Variants in KIF26B observed in about 807,000 individuals in gnomAD.
The protein encoded by KIF26B is kinesin-like protein KIF26B.
A neutral mutation model predicts 151.2 loss-of-function variants in KIF26B; 63 were observed. The observed-to-expected ratio is 0.42, with a 90% CI of 0.34 to 0.51. The LOEUF (loss-of-function observed/expected upper bound fraction) is 0.51, where lower values mean the gene tolerates loss of function less well. Among genes scored for constraint, KIF26B ranks in the 20% least tolerant of loss-of-function variants. KIF26B has a pLI of 0.07. For missense variants in KIF26B, 2,813 were observed against 2,913.6 expected (o/e 0.97, Z 0.79); for synonymous variants, 1,357 against 1,262.1 (o/e 1.08, Z -1.59).
intron 2 of KIF26B, among the ~76,000 whole-genome samples, chr1:245,334,819 G>A (rs1456353848): frequency 6.6e-6 from 1 of 152,154 alleles, no homozygotes; most frequent in Non-Finnish European, 1.5e-5. Context: ...TGTCATGTCA[G>A]CCTCCTACTA....
chr1:245,592,158 G>A (rs924284534), intron 5 of KIF26B, among the ~76,000 whole-genome samples: 4 of 152,148 alleles, frequency 2.6e-5, no homozygotes, highest in African/African-American at 9.7e-5. Context: ...TTCCCGGCCC[G>A]GTTTTTAATA....
chr1:245,177,357 T>A (rs6665539), intron 2 of KIF26B, among the ~76,000 whole-genome samples: 20,473 of 152,168 alleles, frequency 0.13, 2,311 homozygotes, highest in African/African-American at 0.31. Context: ...CCCATTTTTT[T>A]ACATTCTATA....
chr1:245,480,743 A>C (rs1286554711), intron 4 of KIF26B, among the ~76,000 whole-genome samples: 1 of 150,080 alleles, frequency 6.7e-6, no homozygotes, highest in African/African-American at 2.4e-5. Flanking sequence ...ATGTGTTCCA[A>C]GTGCTAAGTA....
intron 10 of KIF26B, among the ~76,000 whole-genome samples, chr1:245,646,591 T>A (rs115630682): frequency 7.2e-5 from 11 of 152,316 alleles, no homozygotes; most frequent in African/African-American, 2.6e-4. Context: ...AATAAAGATG[T>A]GCCTGTTTCA....
At chr1:245,381,552 A>T (rs1673409593) in intron 3 of KIF26B, among the ~76,000 whole-genome samples, 1 of 151,972 alleles carries the variant, frequency 6.6e-6, no homozygotes, top group South Asian at 2.1e-4. Flanking sequence ...AGTGTGGCCT[A>T]AGACAGTTCT....
chr1:245,588,735 T>C (rs1243644274), intron 5 of KIF26B, among the ~76,000 whole-genome samples: 1 of 152,250 alleles, frequency 6.6e-6, no homozygotes, highest in Non-Finnish European at 1.5e-5. Flanking sequence ...CCCCATCCTC[T>C]GGGTCTCCTT....
intron 10 of KIF26B, among the ~76,000 whole-genome samples, chr1:245,677,743 G>A (rs573175575): frequency 9.8e-5 from 15 of 152,382 alleles, no homozygotes; most frequent in Non-Finnish European, 2.2e-4. Context: ...TGGACAGCGA[G>A]ATCATCAAGT....
At chr1:245,655,275 C>T (rs1281931098) in intron 10 of KIF26B, among the ~76,000 whole-genome samples, 4 of 152,324 alleles carry the variant, frequency 2.6e-5, no homozygotes, top group South Asian at 2.1e-4. Flanking sequence ...TCCATGGAGA[C>T]GATGTCTGTG....
chr1:245,671,619 T>A (rs1334417221), intron 10 of KIF26B, among the ~76,000 whole-genome samples: 1 of 152,192 alleles, frequency 6.6e-6, no homozygotes, highest in Non-Finnish European at 1.5e-5. Context: ...AAGGTTACAA[T>A]AGGACATTTT....
rs148238518 is a variant in KIF26B at position 245,365,385 on chromosome 1, C to T, written c.466-1449C>T. ...TGATTTATTAATCAATTAATCAGTG[C>T]GTGCTGAGGAGCTGTTCGGGGTAGT... On this transcript the variant is annotated intron_variant, in intron 2 of 14. Transcript: ENST00000407071. Among the ~76,000 whole-genome samples the T allele has an allele frequency of 1.3e-3, 194 of 152,222 alleles. 1 individual carries two copies. The highest frequency in any genetic ancestry group is 4.5e-3 in the African/African-American group (187 of 41,524).
chr1:245,342,294 A>G (rs1672350885), intron 2 of KIF26B, among the ~76,000 whole-genome samples: 1 of 152,212 alleles, frequency 6.6e-6, no homozygotes, highest in Non-Finnish European at 1.5e-5. Flanking sequence ...ACCAAGATGA[A>G]GAAGTGAGCC....
intron 2 of KIF26B, among the ~76,000 whole-genome samples, chr1:245,191,005 G>A (rs9662781): frequency 8.1e-6 from 1 of 123,684 alleles, no homozygotes; most frequent in Non-Finnish European, 1.6e-5. Flanking sequence ...GTTGCAATGA[G>A]CCAAGATCGT....
chr1:245,208,011 C>G (rs149502244), intron 2 of KIF26B, among the ~76,000 whole-genome samples: 2,474 of 152,284 alleles, frequency 0.016, 57 homozygotes, highest in African/African-American at 0.054. Context: ...TGCCCGAGCC[C>G]TACCTTGGAG....
rs1285694334 is a variant in KIF26B, at chr1:245,698,569, T to C, written c.6027+261T>C. Among the ~76,000 whole-genome samples the C allele has an allele frequency of 1.3e-5, 2 of 152,124 alleles. No homozygotes were observed. The highest frequency in any genetic ancestry group is 2.9e-5 in the Non-Finnish European group (2 of 68,020). ...TCGGGGGCTGGTGATCTTGGGGGCT[T>C]TTCTGGCTCCTTGAGGCTCCCAGTC... On this transcript the variant is annotated intron_variant, in intron 13 of 14. Coordinates refer to ENST00000407071, the MANE Select transcript of KIF26B (RefSeq NM_018012.4). This position sits in a 1 kb window ranked among gnomAD's most constrained non-coding sequence, Gnocchi z 4.0.
intron 9 of KIF26B, among the ~76,000 whole-genome samples, chr1:245,624,745 G>T (rs1392388653): frequency 1.3e-5 from 2 of 152,010 alleles, no homozygotes; most frequent in Non-Finnish European, 2.9e-5. Flanking sequence ...TTTTTATGAA[G>T]TCCAATTTAT....
intron 12 of KIF26B, among the ~76,000 whole-genome samples, chr1:245,696,925 C>T (rs1293108235): frequency 6.6e-6 from 1 of 152,142 alleles, no homozygotes; most frequent in Non-Finnish European, 1.5e-5. Context: ...GTCTGGCCAA[C>T]ATCGTGAAAC....
intron 5 of KIF26B, among the ~76,000 whole-genome samples, chr1:245,578,210 A>C (rs533363784): frequency 6.6e-6 from 1 of 152,356 alleles, no homozygotes; most frequent in South Asian, 2.1e-4. Flanking sequence ...AGGGGAAAGA[A>C]CAGAAGAGGC....
chr1:245,524,478 A>G (rs931868163), intron 4 of KIF26B, among the ~76,000 whole-genome samples: 24 of 152,156 alleles, frequency 1.6e-4, no homozygotes, highest in African/African-American at 5.8e-4. Flanking sequence ...AGGATTTTTT[A>G]AAAAATGGAT....
At chr1:245,206,331 C>T (rs1050793008) in intron 2 of KIF26B, 1 of 152,256 alleles carries the variant, frequency 6.6e-6, no homozygotes, top group African/African-American at 2.4e-5. Flanking sequence ...CCACTTCTTC[C>T]ACTCTTTGCA....
Sources: allele counts gnomAD v4.1 joint callset (sites outside exome capture counted in the v4.1 genomes callset), GRCh38; gene constraint gnomAD v4.1.1; non-coding constraint Gnocchi (gnomAD v3.1); transcripts MANE v1.5; gene names NCBI Gene and HGNC (gene_info 2026-07-23, HGNC 2026-07-21).